BRINP3: variants seen among roughly 807,000 people sequenced by gnomAD.
BRINP3 encodes the protein BMP/retinoic acid inducible neural specific 3.
BRINP3 carries 19 observed loss-of-function variants against 71.0 expected under a neutral mutation model. The observed-to-expected ratio is 0.27, with a 90% CI of 0.19 to 0.39. BRINP3 has a LOEUF of 0.39. Among genes scored for constraint, BRINP3 ranks in the 10% least tolerant of loss-of-function variants. The probability of loss-of-function intolerance (pLI) is 1.00; values close to 1 mark genes in which losing one functional copy is unlikely to be tolerated. For synonymous variants in BRINP3, 380 were observed against 337.7 expected (o/e 1.13, Z -1.37); for missense variants, 959 against 940.8 (o/e 1.02, Z -0.25).
At chr1:190,159,710 T>C (rs1657178216) in intron 7 of BRINP3, among the ~76,000 whole-genome samples, 1 of 151,930 alleles carries the variant, frequency 6.6e-6, no homozygotes, top group African/African-American at 2.4e-5. Context: ...GAGGAGTGAC[T>C]GCTAATTGGT....
chr1:190,471,846 G>A (rs1006023502), intron 1 of BRINP3, among the ~76,000 whole-genome samples: 3 of 151,216 alleles, frequency 2.0e-5, no homozygotes. Context: ...TAAAAGCAAA[G>A]GTAAATATAC....
chr1:190,155,860 C>T (rs981866436), intron 7 of BRINP3, among the ~76,000 whole-genome samples: 2 of 152,062 alleles, frequency 1.3e-5, no homozygotes, highest in Admixed American at 1.3e-4. Context: ...TTCTAAGTTT[C>T]CTGCAGTCCC....
chr1:190,263,025 G>T (rs1042633130), intron 4 of BRINP3, among the ~76,000 whole-genome samples: 3 of 151,944 alleles, frequency 2.0e-5, no homozygotes, highest in South Asian at 2.1e-4. Context: ...TTCTTACTTA[G>T]AGTACAAAAA....
intron 6 of BRINP3, among the ~76,000 whole-genome samples, chr1:190,215,094 GAA>G (rs5779515): frequency 0.014 from 1,806 of 131,740 alleles, 29 homozygotes; most frequent in African/African-American, 0.043. Context: ...TAGCTATTAT[GAA>G]AAAAAAAAAA....
chr1:190,323,194 T>C (rs900773153), intron 2 of BRINP3, among the ~76,000 whole-genome samples: 2 of 152,166 alleles, frequency 1.3e-5, no homozygotes, highest in South Asian at 2.1e-4. Context: ...GCAAATTTAA[T>C]AAGGAACAAA....
chr1:190,353,615 C>T (rs1372051069), intron 2 of BRINP3, among the ~76,000 whole-genome samples: 1 of 152,004 alleles, frequency 6.6e-6, no homozygotes, highest in Non-Finnish European at 1.5e-5. Context: ...AATGCTTGTA[C>T]TTATACATGT....
intron 7 of BRINP3, among the ~76,000 whole-genome samples, chr1:190,134,774 T>G (rs534431884): frequency 6.6e-6 from 1 of 152,204 alleles, no homozygotes; most frequent in African/African-American, 2.4e-5. Context: ...GATATTAAAT[T>G]TGCATAATGC....
At chr1:190,425,708 G>T (rs1038444288) in intron 2 of BRINP3, among the ~76,000 whole-genome samples, 5 of 151,780 alleles carry the variant, frequency 3.3e-5, no homozygotes, top group Non-Finnish European at 1.5e-5. Context: ...CACGTACAAT[G>T]TTGCACAACA....
At chr1:190,456,309 A>T (rs2102636432) in intron 1 of BRINP3, among the ~76,000 whole-genome samples, 1 of 152,340 alleles carries the variant, frequency 6.6e-6, no homozygotes, top group Non-Finnish European at 1.5e-5. Flanking sequence ...ATAAAAGGAC[A>T]TTCCTCACAT....
At position 190,477,715 on chromosome 1, in the gene BRINP3, C is replaced by G. The variant is rs1677584731; in HGVS notation, c.-318G>C. The G allele has an allele frequency of 6.6e-6, 1 of 151,828 alleles. No individual in the cohort carries two copies. Among genetic ancestry groups the G allele is most frequent in the Admixed American group, 6.6e-5 (1 of 15,232 alleles). The allele number at this position is 151,828 out of a possible 1,614,324, so 9.4% of individuals were successfully genotyped here. A position where few individuals can be genotyped will look rare whatever the true frequency, so the allele number is the denominator to read the frequency against. On this transcript the variant is annotated 5_prime_UTR_variant, in exon 1 of 8. Coordinates refer to ENST00000367462, the MANE Select transcript of BRINP3 (RefSeq NM_199051.3). ...GGGGTGATTCGTGGTGATCCTTAAG[C>G]AAAGTGAAAATTTACAGGCTGCACA...
intron 2 of BRINP3, among the ~76,000 whole-genome samples, chr1:190,294,970 C>T (rs1003170319): frequency 3.3e-5 from 5 of 151,894 alleles, no homozygotes; most frequent in African/African-American, 4.8e-5. Flanking sequence ...CACTTTCCCT[C>T]AAGCAGAAGG....
At chr1:190,444,436 T>C (rs1675065242) in intron 2 of BRINP3, among the ~76,000 whole-genome samples, 1 of 151,792 alleles carries the variant, frequency 6.6e-6, no homozygotes, top group Admixed American at 6.6e-5. Context: ...TAATCAGTTA[T>C]TAGCTTTTAC....
chr1:190,414,214 A>C (rs1226363639), intron 2 of BRINP3, among the ~76,000 whole-genome samples: 1 of 152,186 alleles, frequency 6.6e-6, no homozygotes, highest in Non-Finnish European at 1.5e-5. Context: ...AATCATCTAG[A>C]CTAAAGTGGC....
At chr1:190,164,124 C>G (rs1396913979) in intron 6 of BRINP3, among the ~76,000 whole-genome samples, 5 of 151,970 alleles carry the variant, frequency 3.3e-5, no homozygotes, top group Admixed American at 3.3e-4. Context: ...ATACATACCC[C>G]CGATTGGAAT....
intron 6 of BRINP3, among the ~76,000 whole-genome samples, chr1:190,181,067 T>C (rs1461005408): frequency 6.6e-6 from 1 of 152,080 alleles, no homozygotes; most frequent in Non-Finnish European, 1.5e-5. Flanking sequence ...CACTTCCAAC[T>C]GTACCTAACC....
intron 2 of BRINP3, among the ~76,000 whole-genome samples, chr1:190,379,048 A>G (rs1670354039): frequency 6.6e-6 from 1 of 152,202 alleles, no homozygotes; most frequent in African/African-American, 2.4e-5. Flanking sequence ...AATTACAAAC[A>G]GAGCAAAATC....
intron 7 of BRINP3, among the ~76,000 whole-genome samples, chr1:190,143,979 G>A (rs941797383): frequency 6.6e-6 from 1 of 152,160 alleles, no homozygotes; most frequent in Admixed American, 6.6e-5. Context: ...CAAGGAGCAT[G>A]ATGTCTGGTT....
intron 3 of BRINP3, among the ~76,000 whole-genome samples, chr1:190,276,699 T>C (rs555920930): frequency 1.1e-3 from 173 of 151,386 alleles, no homozygotes; most frequent in Non-Finnish European, 1.9e-3. Context: ...TAGCATACAT[T>C]GTTTTAAATC....
chr1:190,116,727 T>C (rs1370288121), intron 7 of BRINP3, among the ~76,000 whole-genome samples: 1 of 152,092 alleles, frequency 6.6e-6, no homozygotes. Flanking sequence ...TATGGAATAG[T>C]TACCTGAAGA....
Sources: allele counts gnomAD v4.1 joint callset (sites outside exome capture counted in the v4.1 genomes callset), GRCh38; gene constraint gnomAD v4.1.1; transcripts MANE v1.5; gene names NCBI Gene and HGNC (gene_info 2026-07-23, HGNC 2026-07-21).